The following SKAP1 variants were observed in gnomAD, a reference collection of about 807,000 sequenced individuals.
SKAP1 encodes src kinase associated phosphoprotein 1.
Under a neutral mutation model 58.5 loss-of-function variants are expected in SKAP1, and 44 were observed. The observed-to-expected ratio is 0.75, with a 90% CI of 0.59 to 0.97. The LOEUF is 0.97. Among genes scored for constraint, SKAP1 ranks in the 50% least tolerant of loss-of-function variants. The pLI is 0.00. For missense variants in SKAP1, 390 were observed against 435.2 expected, an observed-to-expected ratio of 0.90 and a Z score of 0.92; for synonymous variants, 127 against 149.7, an observed-to-expected ratio of 0.85 and a Z score of 1.11.
At chr17:48,366,485 A>G (rs2067003985) in intron 2 of SKAP1, among the ~76,000 whole-genome samples, 1 of 151,232 alleles carries the variant, frequency 6.6e-6, no homozygotes, top group African/African-American at 2.4e-5. Flanking sequence ...GGGGCAGAGG[A>G]CGGGGTGGGA....
chr17:48,148,822 A>C (rs2063864479), intron 11 of SKAP1, among the ~76,000 whole-genome samples: 1 of 152,210 alleles, frequency 6.6e-6, no homozygotes, highest in Non-Finnish European at 1.5e-5. Context: ...TCCTTTAAAA[A>C]AAAAGAAGAA....
chr17:48,404,841 A>G (rs2067549249), intron 1 of SKAP1, among the ~76,000 whole-genome samples: 1 of 152,144 alleles, frequency 6.6e-6, no homozygotes, highest in Non-Finnish European at 1.5e-5. Context: ...TATTTAAAAG[A>G]TATCCGAAAT....
intron 11 of SKAP1, among the ~76,000 whole-genome samples, chr17:48,138,000 T>C (rs574954449): frequency 2.6e-5 from 4 of 152,328 alleles, no homozygotes; most frequent in Admixed American, 2.0e-4. Flanking sequence ...TAGTAGATGC[T>C]CTAAACATTA....
intron 11 of SKAP1, among the ~76,000 whole-genome samples, chr17:48,158,925 C>T (rs1266829088): frequency 6.6e-6 from 1 of 151,026 alleles, no homozygotes; most frequent in Non-Finnish European, 1.5e-5. Context: ...CGCGCCACTG[C>T]ACTCCAGCCT....
chr17:48,177,009 T>C (rs2064300333), intron 9 of SKAP1, among the ~76,000 whole-genome samples: 1 of 152,192 alleles, frequency 6.6e-6, no homozygotes, highest in Non-Finnish European at 1.5e-5. Flanking sequence ...TTACCTATTA[T>C]AAGGAAACAA....
At chr17:48,175,867 G>C (rs1187828875) in intron 9 of SKAP1, among the ~76,000 whole-genome samples, 2 of 152,188 alleles carry the variant, frequency 1.3e-5, no homozygotes, top group Non-Finnish European at 2.9e-5. Context: ...TGTGTGGCTG[G>C]GGCTCAGTGG....
At chr17:48,399,550 A>G (rs1282424817) in intron 1 of SKAP1, among the ~76,000 whole-genome samples, 2 of 152,182 alleles carry the variant, frequency 1.3e-5, no homozygotes, top group African/African-American at 2.4e-5. Context: ...ACTTAAGGGC[A>G]GAAGTTTTGA....
rs77598710 is a variant in SKAP1 at position 48,282,725 on chromosome 17, G to A, written c.280+63180C>T. Among the ~76,000 whole-genome samples, 99 of 152,166 alleles carry A rather than the reference G, an allele frequency of 6.5e-4. No homozygotes were observed. In the East Asian group the frequency reaches 0.017, roughly 27 times the overall value. Reference sequence around the variant, plus strand: ...GGAGGTCAAGGTTGCAGTGAGCCAAGGTCGTCTCGCTGCACTGCTGCTGCC... The same window carrying A: ...GGAGGTCAAGGTTGCAGTGAGCCAAAGTCGTCTCGCTGCACTGCTGCTGCC... On this transcript the variant is annotated intron_variant, in intron 4 of 12. Coordinates refer to ENST00000336915, the MANE Select transcript of SKAP1 (RefSeq NM_003726.4).
rs1205425573 is a variant in SKAP1, at chr17:48,172,162, AT to A, written c.827-1504del. 4.6e-5 allele frequency among the ~76,000 whole-genome samples: 7 copies of A among 152,286 alleles called. No individual in the cohort carries two copies. In the East Asian group the frequency reaches 1.2e-3, roughly 25 times the overall value. ...GTAATGGAGGCTGGTCATGTACATA[AT>A]TTTATGTTCCTAGTACTTGGGGCTT... On this transcript the variant is annotated intron_variant, in intron 9 of 12. Coordinates refer to ENST00000336915, the MANE Select transcript of SKAP1 (RefSeq NM_003726.4).
chr17:48,216,446 T>G (rs550309345), intron 4 of SKAP1, among the ~76,000 whole-genome samples: 141 of 152,210 alleles, frequency 9.3e-4, no homozygotes, highest in Non-Finnish European at 1.8e-3. Flanking sequence ...TCTTAAGAAC[T>G]AAGTACCCTA....
intron 4 of SKAP1, among the ~76,000 whole-genome samples, chr17:48,225,984 C>A (rs2065063944): frequency 6.6e-6 from 1 of 152,192 alleles, no homozygotes; most frequent in Non-Finnish European, 1.5e-5. Context: ...AGACCCTTAA[C>A]AAGGCGGTTA....
At chr17:48,301,277 G>A (rs2066052745) in intron 4 of SKAP1, among the ~76,000 whole-genome samples, 1 of 152,076 alleles carries the variant, frequency 6.6e-6, no homozygotes, top group Admixed American at 6.5e-5. Context: ...TGGAAGATGA[G>A]CAAAGATCTT....
In SKAP1 at chr17:48,179,753, C is replaced by T. The variant is rs532462348; in HGVS notation, c.826+301G>A. Reference sequence around the variant, plus strand: ...TTTTGATGACTCATTCCAAAACTCACAATAAACCAATAAAAACCAACGTAA... The same window carrying T: ...TTTTGATGACTCATTCCAAAACTCATAATAAACCAATAAAAACCAACGTAA... On this transcript the variant is annotated intron_variant, in intron 9 of 12. Transcript: ENST00000336915. Among the ~76,000 whole-genome samples, 11 of 152,254 alleles carry T rather than the reference C, an allele frequency of 7.2e-5. No individual in the cohort carries two copies. In the South Asian group the frequency reaches 2.3e-3, roughly 32 times the overall value.
At chr17:48,414,607 C>T (rs1403465711) in intron 1 of SKAP1, among the ~76,000 whole-genome samples, 2 of 152,138 alleles carry the variant, frequency 1.3e-5, no homozygotes, top group African/African-American at 4.8e-5. Flanking sequence ...TTCATAGCTG[C>T]CCTAAAACGA....
At chr17:48,392,023 T>C (rs888816713) in intron 2 of SKAP1, among the ~76,000 whole-genome samples, 4 of 152,192 alleles carry the variant, frequency 2.6e-5, no homozygotes, top group African/African-American at 9.6e-5. Flanking sequence ...ATATAATTAA[T>C]GGTAATTATA....
At chr17:48,298,089 T>C (rs2066004694) in intron 4 of SKAP1, among the ~76,000 whole-genome samples, 1 of 152,204 alleles carries the variant, frequency 6.6e-6, no homozygotes, top group Admixed American at 6.6e-5. Context: ...TCCAGACTCT[T>C]TCCAGATGTT....
At chr17:48,165,378 C>G (rs1598386188) in intron 10 of SKAP1, among the ~76,000 whole-genome samples, 1 of 117,192 alleles carries the variant, frequency 8.5e-6, no homozygotes, top group Non-Finnish European at 1.7e-5. Flanking sequence ...GCTTTCTTTT[C>G]TTTTCTTTCT....
At chr17:48,348,300 C>T (rs1179226051) in intron 3 of SKAP1, among the ~76,000 whole-genome samples, 5 of 149,842 alleles carry the variant, frequency 3.3e-5, no homozygotes, top group Admixed American at 1.3e-4. Flanking sequence ...CATGACTGTG[C>T]CACTGCACTC....
chr17:48,204,750 G>T (rs2064771782), intron 4 of SKAP1, among the ~76,000 whole-genome samples: 1 of 152,142 alleles, frequency 6.6e-6, no homozygotes, highest in South Asian at 2.1e-4. Context: ...GAGTGGGACT[G>T]CTGGACTTCT....
Sources: allele counts gnomAD v4.1 joint callset (sites outside exome capture counted in the v4.1 genomes callset), GRCh38; gene constraint gnomAD v4.1.1; transcripts MANE v1.5; gene names NCBI Gene and HGNC (gene_info 2026-07-23, HGNC 2026-07-21).